RIMS2: variants seen among roughly 807,000 people sequenced by gnomAD.
RIMS2 encodes regulating synaptic membrane exocytosis 2.
A neutral mutation model predicts 174.4 loss-of-function variants in RIMS2; 59 were observed. That is an observed-to-expected ratio of 0.34 (90% CI 0.27 to 0.42). The LOEUF is 0.42. Among genes scored for constraint, RIMS2 ranks in the 10% least tolerant of loss-of-function variants. The probability of loss-of-function intolerance (pLI) is 1.00; values close to 1 mark genes in which losing one functional copy is unlikely to be tolerated. For synonymous variants in RIMS2, 606 were observed against 572.5 expected (o/e 1.06, Z -0.84); for missense variants, 1,620 against 1,666.3 (o/e 0.97, Z 0.48).
chr8:103,688,385 G>T (rs1466592742), intron 1 of RIMS2, among the ~76,000 whole-genome samples: 1 of 151,984 alleles, frequency 6.6e-6, no homozygotes, highest in East Asian at 1.9e-4. Context: ...TGTTAACGTG[G>T]TGTATCACAT....
intron 10 of RIMS2, among the ~76,000 whole-genome samples, chr8:103,925,211 CAT>C (rs1248501421): frequency 2.0e-5 from 3 of 151,534 alleles, no homozygotes; most frequent in Non-Finnish European, 4.4e-5. Flanking sequence ...TATTGATAAT[CAT>C]ATTTTATTTC....
chr8:103,978,513 G>A (rs2093636931), intron 16 of RIMS2, among the ~76,000 whole-genome samples: 1 of 152,192 alleles, frequency 6.6e-6, no homozygotes, highest in Non-Finnish European at 1.5e-5. Flanking sequence ...CTGGACCAAG[G>A]GCCAAGAAAG....
At chr8:103,950,350 T>C (rs965171962) in intron 14 of RIMS2, among the ~76,000 whole-genome samples, 5 of 152,156 alleles carry the variant, frequency 3.3e-5, no homozygotes, top group Non-Finnish European at 7.4e-5. Flanking sequence ...ATGAAAATTT[T>C]AGCAAATTTA....
At chr8:104,213,877 G>GA (rs748783814) in intron 19 of RIMS2, among the ~76,000 whole-genome samples, 21,448 of 134,048 alleles carry the variant, frequency 0.16, 2,134 homozygotes, top group Non-Finnish European at 0.23. Context: ...CTCTGCCTCG[G>GA]AAAAAAAAAA....
At chr8:103,774,843 G>C (rs554560748) in intron 3 of RIMS2, among the ~76,000 whole-genome samples, 2 of 152,190 alleles carry the variant, frequency 1.3e-5, no homozygotes, top group South Asian at 4.1e-4. Context: ...TTTGTCAGTG[G>C]CTACTATAGC....
chr8:104,013,230 T>C (rs1385013972), intron 17 of RIMS2, among the ~76,000 whole-genome samples: 2 of 152,212 alleles, frequency 1.3e-5, no homozygotes, highest in South Asian at 2.1e-4. Flanking sequence ...TTATCTTTGC[T>C]GGGAATTACT....
intron 19 of RIMS2, among the ~76,000 whole-genome samples, chr8:104,072,615 A>G (rs1464185861): frequency 6.6e-6 from 1 of 152,126 alleles, no homozygotes; most frequent in African/African-American, 2.4e-5. Context: ...CCAGTGACAC[A>G]ATTGTGAAGC....
chr8:104,159,920 A>G (rs1204344178), intron 19 of RIMS2, among the ~76,000 whole-genome samples: 2 of 152,092 alleles, frequency 1.3e-5, no homozygotes, highest in Admixed American at 6.6e-5. Flanking sequence ...GGGCCGATCA[A>G]CTGAGGTCAG....
At chr8:103,786,927 A>G (rs941200417) in intron 3 of RIMS2, among the ~76,000 whole-genome samples, 1 of 151,740 alleles carries the variant, frequency 6.6e-6, no homozygotes, top group Non-Finnish European at 1.5e-5. Flanking sequence ...TAGGTCACTC[A>G]CGACTTGCTC....
chr8:104,155,581 T>C (rs1256839914), intron 19 of RIMS2, among the ~76,000 whole-genome samples: 2 of 150,990 alleles, frequency 1.3e-5, no homozygotes, highest in African/African-American at 4.9e-5. Flanking sequence ...GCCCGGCTAA[T>C]TTTTTGTATT....
chr8:104,179,266 G>A (rs1042024339), intron 19 of RIMS2, among the ~76,000 whole-genome samples: 6 of 152,144 alleles, frequency 3.9e-5, no homozygotes, highest in South Asian at 2.1e-4. Context: ...CAGCAAAATG[G>A]GGATTTTAAT....
chr8:104,002,499 A>C (rs1041635088), intron 17 of RIMS2, among the ~76,000 whole-genome samples: 2 of 152,196 alleles, frequency 1.3e-5, no homozygotes, highest in Non-Finnish European at 2.9e-5. Context: ...GACAATAAAA[A>C]GTAACTTTTT....
At chr8:104,182,553 C>A (rs1345858435) in intron 19 of RIMS2, among the ~76,000 whole-genome samples, 1 of 151,772 alleles carries the variant, frequency 6.6e-6, no homozygotes, top group Non-Finnish European at 1.5e-5. Flanking sequence ...CATCCCTCCT[C>A]CCCTCACCTT....
Position 104,156,464 on chromosome 8 carries a change from C to G in RIMS2, c.3335-88452C>G, listed in dbSNP as rs571643192. 4.6e-5 allele frequency among the ~76,000 whole-genome samples: 7 copies of G among 152,296 alleles called. No individual in the cohort carries two copies. The East Asian group carries it at 1.4e-3, about 29-fold the overall frequency. Reference sequence around the variant, plus strand: ...ACAGGTTTGATAAGCAAACCACAATCTAATACTGCCACACAGCATTAAGCC... The same window carrying G: ...ACAGGTTTGATAAGCAAACCACAATGTAATACTGCCACACAGCATTAAGCC... On this transcript the variant is annotated intron_variant, in intron 19 of 23. Transcript: ENST00000504942.
intron 3 of RIMS2, among the ~76,000 whole-genome samples, chr8:103,810,820 T>C (rs1211062524): frequency 1.3e-5 from 2 of 152,014 alleles, no homozygotes; most frequent in Non-Finnish European, 2.9e-5. Flanking sequence ...GTGTAATGAG[T>C]AGAGAGAGGA....
intron 4 of RIMS2, among the ~76,000 whole-genome samples, chr8:103,891,451 A>G (rs1016258373): frequency 3.3e-5 from 5 of 152,030 alleles, no homozygotes; most frequent in African/African-American, 1.2e-4. Flanking sequence ...ATATATTTTA[A>G]TCTTAATATT....
At chr8:104,183,112 A>G (rs888891849) in intron 19 of RIMS2, among the ~76,000 whole-genome samples, 17 of 151,886 alleles carry the variant, frequency 1.1e-4, no homozygotes, top group African/African-American at 4.1e-4. Context: ...TCTGCCTGAT[A>G]GAGTACAACT....
chr8:103,850,414 G>A (rs2098991348), intron 3 of RIMS2, among the ~76,000 whole-genome samples: 1 of 151,910 alleles, frequency 6.6e-6, no homozygotes, highest in African/African-American at 2.4e-5. Context: ...GAGTCCCCAA[G>A]TCGTTGACAG....
chr8:103,811,908 C>T (rs1200244278), intron 3 of RIMS2, among the ~76,000 whole-genome samples: 1 of 152,218 alleles, frequency 6.6e-6, no homozygotes, highest in Admixed American at 6.5e-5. Flanking sequence ...AGAGAGATCA[C>T]AATTATGGTG....
Sources: allele counts gnomAD v4.1 joint callset (sites outside exome capture counted in the v4.1 genomes callset), GRCh38; gene constraint gnomAD v4.1.1; transcripts MANE v1.5; gene names NCBI Gene and HGNC (gene_info 2026-07-23, HGNC 2026-07-21).